The following IFT122 variants were observed in gnomAD, a reference collection of about 807,000 sequenced individuals.
IFT122 encodes intraflagellar transport protein 122 homolog.
A neutral mutation model predicts 161.6 loss-of-function variants in IFT122; 118 were observed. That is an observed-to-expected ratio of 0.73 (90% CI 0.63 to 0.85). IFT122 has a LOEUF of 0.85. IFT122 is among the 40% of genes least tolerant of loss of function. The pLI is 0.00. For synonymous variants in IFT122, 550 were observed against 602.4 expected, an observed-to-expected ratio of 0.91 and a Z score of 1.27; for missense variants, 1,381 against 1,579.6, an observed-to-expected ratio of 0.87 and a Z score of 2.13.
chr3:129,485,921 A>T (rs1299328062), intron 15 of IFT122, among the ~76,000 whole-genome samples: 1 of 152,198 alleles, frequency 6.6e-6, no homozygotes, highest in African/African-American at 2.4e-5. Context: ...CCCAGAGAGG[A>T]GGGAGAAAGC....
At position 129,504,389 on chromosome 3, in the gene IFT122, C is replaced by G; in HGVS notation, c.2618C>G (p.Ala873Gly). Residue 873 changes from alanine to glycine, a missense_variant, in exon 21 of 30, where the codon GCA (alanine) becomes GGA (glycine). Around this residue, in one of 7 missense-constraint regions of IFT122, gnomAD observed 496 missense variants for 502.5 expected, o/e 0.99. Transcript: ENST00000348417. Reference sequence around the variant, plus strand: ...TACATGCCGTATGCTCAGTGGCTAGCAGAGAACGATCGCTTTGAGGAAGCC... The same window carrying G: ...TACATGCCGTATGCTCAGTGGCTAGGAGAGAACGATCGCTTTGAGGAAGCC... ...DIYMPYAQWL[A>G]ENDRFEEAQK... 2 of 1,614,064 alleles carry G rather than the reference C, an allele frequency of 1.2e-6. No homozygotes were observed. The highest frequency in any genetic ancestry group is 1.7e-6 in the Non-Finnish European group (2 of 1,179,926).
chr3:129,459,234 G>A, intron 4 of IFT122: 1 of 449,398 alleles, frequency 2.2e-6, no homozygotes, highest in South Asian at 1.6e-5. Context: ...TGACTGATCA[G>A]TATTGCTCAT....
At chr3:129,504,064 C>G (rs570548878) in intron 20 of IFT122, 1 of 493,612 alleles carries the variant, frequency 2.0e-6, no homozygotes, top group African/African-American at 1.9e-5. Flanking sequence ...GATTCTGTGC[C>G]GCTTCTGTGG....
intron 23 of IFT122, among the ~76,000 whole-genome samples, chr3:129,509,722 T>C (rs1318445140): frequency 6.6e-6 from 1 of 152,186 alleles, no homozygotes; most frequent in Non-Finnish European, 1.5e-5. Flanking sequence ...AGAGCCAATA[T>C]GTGAGTCTCA....
chr3:129,459,526 T>C, intron 4 of IFT122: 1 of 238,594 alleles, frequency 4.2e-6, no homozygotes, highest in Non-Finnish European at 8.5e-6. Context: ...CCTGACTACA[T>C]CTATTTTTTT....
At chr3:129,479,509 A>G (rs1469267138) in intron 12 of IFT122, among the ~76,000 whole-genome samples, 3 of 152,074 alleles carry the variant, frequency 2.0e-5, no homozygotes, top group African/African-American at 7.2e-5. Flanking sequence ...TACAGGATAG[A>G]TGTGGCAAGT....
chr3:129,494,806 C>T (rs1388819596), intron 17 of IFT122, among the ~76,000 whole-genome samples: 1 of 152,132 alleles, frequency 6.6e-6, no homozygotes, highest in Non-Finnish European at 1.5e-5. Flanking sequence ...CTCTGTCTGA[C>T]CCTGACCTGT....
chr3:129,461,044 GAGGAGA>G, intron 4 of IFT122, 178 bp from the exon 5 acceptor site: 1 of 1,033,878 alleles, frequency 9.7e-7, no homozygotes. Context: ...AACAGTGGGT[GAGGAGA>G]AGGAGAATTA....
chr3:129,442,868 G>T, intron 1 of IFT122, among the ~76,000 whole-genome samples: 1 of 152,274 alleles, frequency 6.6e-6, no homozygotes, highest in South Asian at 2.1e-4. Flanking sequence ...TATACTTTTA[G>T]GTTGAGCTGA....
chr3:129,497,275 A>G (rs1026991458), intron 18 of IFT122, among the ~76,000 whole-genome samples: 8 of 152,174 alleles, frequency 5.3e-5, no homozygotes, highest in Non-Finnish European at 8.8e-5. Flanking sequence ...TCAAAAAAAA[A>G]TAATAAAATG....
chr3:129,489,704 T>C (rs1475325256), intron 16 of IFT122, among the ~76,000 whole-genome samples: 1 of 152,024 alleles, frequency 6.6e-6, no homozygotes, highest in African/African-American at 2.4e-5. Context: ...CCGGGCATGG[T>C]GGCAGGCGCC....
intron 19 of IFT122, among the ~76,000 whole-genome samples, chr3:129,502,266 G>A (rs550080969): frequency 1.4e-4 from 21 of 152,346 alleles, no homozygotes; most frequent in African/African-American, 4.8e-4. Context: ...TCCTGCACCC[G>A]TGGTGGAAAG....
intron 23 of IFT122, among the ~76,000 whole-genome samples, chr3:129,510,664 G>A (rs1398671041): frequency 6.6e-6 from 1 of 152,146 alleles, no homozygotes; most frequent in African/African-American, 2.4e-5. Flanking sequence ...GGGGCATGGG[G>A]CTGAGGGCTC....
At chr3:129,511,364 T>C (rs2082805047) in intron 23 of IFT122, among the ~76,000 whole-genome samples, 1 of 152,172 alleles carries the variant, frequency 6.6e-6, no homozygotes, top group Non-Finnish European at 1.5e-5. Flanking sequence ...AATGCTAAGC[T>C]CTGAACTGAA....
At chr3:129,443,086 A>G (rs2073482658) in intron 1 of IFT122, among the ~76,000 whole-genome samples, 1 of 152,236 alleles carries the variant, frequency 6.6e-6, no homozygotes, top group Non-Finnish European at 1.5e-5. Flanking sequence ...TATAGGCCAC[A>G]TGTCCACATG....
intron 1 of IFT122, among the ~76,000 whole-genome samples, chr3:129,441,496 CTG>C (rs2073101286): frequency 6.6e-6 from 1 of 152,134 alleles, no homozygotes; most frequent in Non-Finnish European, 1.5e-5. Flanking sequence ...TATGAGGAAA[CTG>C]AAGCCCAGAG....
chr3:129,512,414 T>C lies in IFT122; in HGVS notation c.2987+2T>C, dbSNP rs1408904108. On this transcript the variant is annotated splice_donor_variant, in intron 24 of 29. Transcript: ENST00000348417. LOFTEE classifies it high-confidence loss of function. ...CACCCCCTCGGGCATCTCTAAAGTG[T>C]ATCCTTTCTCTTATCCCTCCTCCGT... 16 of 1,593,416 alleles carry C rather than the reference T, an allele frequency of 1.0e-5. No individual in the cohort carries two copies. The highest frequency in any genetic ancestry group is 1.3e-5 in the Non-Finnish European group (15 of 1,161,044).
At chr3:129,502,304 G>A (rs1427940614) in intron 19 of IFT122, among the ~76,000 whole-genome samples, 1 of 152,190 alleles carries the variant, frequency 6.6e-6, no homozygotes, top group East Asian at 1.9e-4. Context: ...TGGGCTGGGT[G>A]CTTCACCTTC....
chr3:129,480,220 G>A (rs1412348100), intron 13 of IFT122, among the ~76,000 whole-genome samples: 2 of 152,188 alleles, frequency 1.3e-5, no homozygotes, highest in African/African-American at 4.8e-5. Flanking sequence ...TGTTAGAGAT[G>A]TTGCTTCTGT....
Sources: allele counts gnomAD v4.1 joint callset (sites outside exome capture counted in the v4.1 genomes callset), GRCh38; gene constraint gnomAD v4.1.1; regional missense constraint gnomAD v4.1.1; transcripts MANE v1.5; gene names NCBI Gene and HGNC (gene_info 2026-07-23, HGNC 2026-07-21).